The following AGBL1 variants were observed in gnomAD, a reference collection of about 807,000 sequenced individuals.
AGBL1 encodes the protein cytosolic carboxypeptidase 4.
In AGBL1, 130 loss-of-function variants were observed where a neutral mutation model predicts 118.9. The ratio of observed to expected loss-of-function variants is 1.09; its 90% CI spans 0.95 to 1.26. The LOEUF (loss-of-function observed/expected upper bound fraction) is 1.26, where lower values mean the gene tolerates loss of function less well. Ranked by LOEUF, AGBL1 falls within the 50% of genes most tolerant of loss-of-function variation. AGBL1 has a pLI of 0.00. For missense variants in AGBL1, 1,584 were observed against 1,298.1 expected (o/e 1.22, Z -3.38); for synonymous variants, 555 against 478.9 (o/e 1.16, Z -2.08).
chr15:86,538,953 G>A (rs1426304602), intron 19 of AGBL1, among the ~76,000 whole-genome samples: 1 of 152,220 alleles, frequency 6.6e-6, no homozygotes, highest in Non-Finnish European at 1.5e-5. Context: ...GAGAAGCATG[G>A]CAATCTGGTC....
At chr15:86,318,594 TA>T (rs1265025599) in intron 17 of AGBL1, among the ~76,000 whole-genome samples, 1 of 152,048 alleles carries the variant, frequency 6.6e-6, no homozygotes, top group Non-Finnish European at 1.5e-5. Context: ...ATGTTAGAGT[TA>T]TTAACTGGCT....
At chr15:87,013,886 A>G (rs2081585267) in intron 24 of AGBL1, among the ~76,000 whole-genome samples, 1 of 152,180 alleles carries the variant, frequency 6.6e-6, no homozygotes, top group African/African-American at 2.4e-5. Flanking sequence ...GGCTTTGAAC[A>G]TAGACACACT....
intron 21 of AGBL1, among the ~76,000 whole-genome samples, chr15:86,621,696 A>G (rs541778498): frequency 1.6e-4 from 24 of 152,368 alleles, no homozygotes; most frequent in African/African-American, 4.3e-4. Flanking sequence ...ACTTGGAGAT[A>G]TCGTTTGGAA....
chr15:86,594,429 AT>A (rs1487989670), intron 21 of AGBL1, among the ~76,000 whole-genome samples: 1 of 152,292 alleles, frequency 6.6e-6, no homozygotes, highest in East Asian at 1.9e-4. Flanking sequence ...GTAATAAAAA[AT>A]GTTCTTTTCT....
intron 5 of AGBL1, among the ~76,000 whole-genome samples, chr15:86,192,416 A>G (rs894509250): frequency 6.6e-6 from 1 of 151,740 alleles, no homozygotes; most frequent in Non-Finnish European, 1.5e-5. Flanking sequence ...CAATAATGCA[A>G]TGTACATACA....
intron 24 of AGBL1, among the ~76,000 whole-genome samples, chr15:87,026,130 T>C (rs2081723927): frequency 6.6e-6 from 1 of 151,830 alleles, no homozygotes; most frequent in Admixed American, 6.6e-5. Flanking sequence ...CAAACACAAA[T>C]ACAATAATAA....
At chr15:86,418,279 T>G (rs1021615523) in intron 18 of AGBL1, among the ~76,000 whole-genome samples, 8 of 152,236 alleles carry the variant, frequency 5.3e-5, no homozygotes, top group African/African-American at 1.9e-4. Context: ...AACCACTTTC[T>G]AATCTATTTT....
intron 17 of AGBL1, among the ~76,000 whole-genome samples, chr15:86,392,537 G>T (rs1483074009): frequency 6.6e-6 from 1 of 152,162 alleles, no homozygotes; most frequent in Non-Finnish European, 1.5e-5. Flanking sequence ...GAACCCTGCA[G>T]AGTGCCAGTA....
At chr15:86,301,105 G>A (rs1472402923) in intron 17 of AGBL1, among the ~76,000 whole-genome samples, 1 of 152,144 alleles carries the variant, frequency 6.6e-6, no homozygotes, top group Non-Finnish European at 1.5e-5. Context: ...GGGGAGAGCT[G>A]GAAGTGACAA....
chr15:86,396,262 T>TGTATATATATATATATAC (rs2081362342), intron 17 of AGBL1, among the ~76,000 whole-genome samples: 1 of 137,050 alleles, frequency 7.3e-6, no homozygotes, highest in African/African-American at 2.6e-5. Context: ...TATATATATA[T>TGTATATATATATATATAC]ACACACACAC....
intron 5 of AGBL1, among the ~76,000 whole-genome samples, chr15:86,210,107 GA>G (rs2078066171): frequency 6.6e-6 from 1 of 152,174 alleles, no homozygotes; most frequent in African/African-American, 2.4e-5. Context: ...ATTCTGGGTT[GA>G]AAATTCTTTT....
At chr15:86,664,128 A>G (rs1265481533) in intron 21 of AGBL1, among the ~76,000 whole-genome samples, 1 of 152,116 alleles carries the variant, frequency 6.6e-6, no homozygotes, top group Non-Finnish European at 1.5e-5. Context: ...TGCAGTTACT[A>G]AGGAAACAAT....
intron 18 of AGBL1, among the ~76,000 whole-genome samples, chr15:86,471,527 A>T (rs1480364781): frequency 6.8e-6 from 1 of 147,204 alleles, no homozygotes; most frequent in Non-Finnish European, 1.5e-5. Context: ...TAGCTTCCTC[A>T]TCTGGCTTTG....
intron 22 of AGBL1, among the ~76,000 whole-genome samples, chr15:86,860,780 CTA>C (rs763632894): frequency 2.2e-4 from 33 of 151,858 alleles, no homozygotes; most frequent in Non-Finnish European, 4.7e-4. Context: ...GCACATGTTT[CTA>C]TGTTTCTGAA....
chr15:86,616,074 C>T (rs945616642), intron 21 of AGBL1, among the ~76,000 whole-genome samples: 3 of 152,190 alleles, frequency 2.0e-5, no homozygotes, highest in East Asian at 3.9e-4. Context: ...TATTGGCTCA[C>T]CCCTGTAATC....
intron 22 of AGBL1, among the ~76,000 whole-genome samples, chr15:86,833,454 G>A (rs955504689): frequency 3.3e-5 from 5 of 151,962 alleles, no homozygotes; most frequent in Non-Finnish European, 7.4e-5. Flanking sequence ...GGTTTATCAG[G>A]GGTTTCTGCT....
At chr15:86,958,612 A>G (rs1384943277) in intron 23 of AGBL1, among the ~76,000 whole-genome samples, 1 of 152,204 alleles carries the variant, frequency 6.6e-6, no homozygotes, top group Non-Finnish European at 1.5e-5. Flanking sequence ...ACATAAATCT[A>G]TTGATTAAAA....
At chr15:86,893,951 G>C (rs780192889) in intron 22 of AGBL1, among the ~76,000 whole-genome samples, 18 of 152,116 alleles carry the variant, frequency 1.2e-4, no homozygotes, top group Non-Finnish European at 2.5e-4. Context: ...GCAAATTCCT[G>C]TTTCTCACTT....
chr15:86,562,851 T>A (rs574042908), intron 21 of AGBL1, among the ~76,000 whole-genome samples: 1 of 129,568 alleles, frequency 7.7e-6, no homozygotes, highest in African/African-American at 2.7e-5. Flanking sequence ...GGGAATCAAC[T>A]TCTTCCTGGT....
Sources: allele counts gnomAD v4.1 joint callset (sites outside exome capture counted in the v4.1 genomes callset), GRCh38; gene constraint gnomAD v4.1.1; transcripts MANE v1.5; gene names NCBI Gene and HGNC (gene_info 2026-07-23, HGNC 2026-07-21).